SUMF1: variants seen among roughly 807,000 people sequenced by gnomAD.
The protein encoded by SUMF1 is formylglycine-generating enzyme.
A neutral mutation model predicts 47.6 loss-of-function variants in SUMF1; 48 were observed. The observed-to-expected ratio is 1.01, with a 90% confidence interval of 0.80 to 1.28. The LOEUF is 1.28. Ranked by LOEUF, SUMF1 falls within the 50% of genes most tolerant of loss-of-function variation. The probability of loss-of-function intolerance (pLI) is 0.00; values close to 1 mark genes in which losing one functional copy is unlikely to be tolerated. For synonymous variants in SUMF1, 230 were observed against 192.1 expected (o/e 1.20, Z -1.63); for missense variants, 571 against 485.4 (o/e 1.18, Z -1.66).
intron 8 of SUMF1, among the ~76,000 whole-genome samples, chr3:4,105,624 A>G (rs1217388419): frequency 6.6e-6 from 1 of 152,110 alleles, no homozygotes; most frequent in East Asian, 1.9e-4. Context: ...GAATATTATT[A>G]ATGGAAACTT....
At chr3:4,065,620 A>G (rs992361597) in intron 9 of SUMF1, among the ~76,000 whole-genome samples, 11 of 152,160 alleles carry the variant, frequency 7.2e-5, no homozygotes, top group African/African-American at 2.7e-4. Flanking sequence ...TCCTTAAGCA[A>G]TCATTTGAAC....
chr3:4,319,834 G>A (rs550242055), intron 8 of SUMF1, among the ~76,000 whole-genome samples: 90 of 152,320 alleles, frequency 5.9e-4, no homozygotes, highest in Admixed American at 3.3e-3. Flanking sequence ...AAAGAAATGA[G>A]CTATCGAGCC....
chr3:4,234,367 A>G (rs6762135), intron 8 of SUMF1, among the ~76,000 whole-genome samples: 54,904 of 151,936 alleles, frequency 0.36, 10,810 homozygotes, highest in Non-Finnish European at 0.45. Context: ...ACAAGCAGCA[A>G]TTGGAAACTT....
chr3:4,435,217 G>A (rs560032856), intron 3 of SUMF1, among the ~76,000 whole-genome samples: 5 of 152,244 alleles, frequency 3.3e-5, no homozygotes, highest in East Asian at 3.9e-4. Flanking sequence ...TTGAGCCACC[G>A]GGCCCAGACA....
chr3:4,266,404 A>C (rs1431212197), intron 8 of SUMF1, among the ~76,000 whole-genome samples: 6 of 151,976 alleles, frequency 3.9e-5, no homozygotes, highest in East Asian at 1.9e-4. Flanking sequence ...CTTTTATCTC[A>C]TTGAGCAGTG....
chr3:4,428,419 T>C (rs1215582739), intron 3 of SUMF1, among the ~76,000 whole-genome samples: 2 of 152,184 alleles, frequency 1.3e-5, no homozygotes, highest in Non-Finnish European at 2.9e-5. Flanking sequence ...AGTGGCACTA[T>C]CATAGCTCAC....
At chr3:4,346,002 A>G (rs1267991701) in intron 8 of SUMF1, among the ~76,000 whole-genome samples, 1 of 152,270 alleles carries the variant, frequency 6.6e-6, no homozygotes, top group Non-Finnish European at 1.5e-5. Context: ...TATGCACCCA[A>G]TACAGGAGCA....
At chr3:4,254,693 G>A (rs1696902053) in intron 8 of SUMF1, among the ~76,000 whole-genome samples, 1 of 149,860 alleles carries the variant, frequency 6.7e-6, no homozygotes, top group Non-Finnish European at 1.5e-5. Flanking sequence ...ACACTCTGCA[G>A]GAAATTATCC....
chr3:4,258,602 A>G (rs312093), intron 8 of SUMF1, among the ~76,000 whole-genome samples: 1 of 152,162 alleles, frequency 6.6e-6, no homozygotes, highest in African/African-American at 2.4e-5. Context: ...TCACTAAAAA[A>G]TCAGGAAACA....
chr3:4,272,337 G>A (rs955920174), intron 8 of SUMF1, among the ~76,000 whole-genome samples: 4 of 152,144 alleles, frequency 2.6e-5, no homozygotes, highest in Admixed American at 6.5e-5. Context: ...GGCTTTAATC[G>A]ACCCGACAGA....
At chr3:4,203,301 T>C (rs1157351411) in intron 8 of SUMF1, among the ~76,000 whole-genome samples, 1 of 152,084 alleles carries the variant, frequency 6.6e-6, no homozygotes, top group Non-Finnish European at 1.5e-5. Flanking sequence ...GCAATTATTA[T>C]ATCTTCTTGC....
Position 4,292,921 on chromosome 3 carries a change from AAAAC to A in SUMF1, c.1014+83405_1014+83408del, listed in dbSNP as rs552315880. 1.5e-4 allele frequency among the ~76,000 whole-genome samples: 23 copies of A among 152,308 alleles called. No individual in the cohort carries two copies. In the South Asian group the frequency reaches 4.6e-3, roughly 30 times the overall value. On this transcript the variant is annotated intron_variant and NMD_transcript_variant, in intron 8 of 12. Coordinates refer to the SUMF1 transcript ENST00000448413. ...ACCCTGTAATTTCCAGGCTCTGTAA[AAAAC>A]AAATTATATTCAATGTTCTTCTAAG...
At chr3:4,063,500 C>T (rs1695313582) in intron 9 of SUMF1, among the ~76,000 whole-genome samples, 1 of 152,096 alleles carries the variant, frequency 6.6e-6, no homozygotes, top group Non-Finnish European at 1.5e-5. Flanking sequence ...GTCAGGCATG[C>T]TCACAGCTCC....
intron 8 of SUMF1, among the ~76,000 whole-genome samples, chr3:4,141,634 C>T (rs1364616050): frequency 6.6e-6 from 1 of 152,074 alleles, no homozygotes; most frequent in Non-Finnish European, 1.5e-5. Flanking sequence ...CTGCACTCTA[C>T]CCTGGGCAAC....
At chr3:4,106,081 C>CTTT (rs1693151430) in intron 8 of SUMF1, among the ~76,000 whole-genome samples, 1 of 151,898 alleles carries the variant, frequency 6.6e-6, no homozygotes, top group African/African-American at 2.4e-5. Context: ...TACCAACAAA[C>CTTT]TTTTCACTAT....
intron 8 of SUMF1, among the ~76,000 whole-genome samples, chr3:4,140,851 A>C (rs187298079): frequency 2.0e-5 from 3 of 152,256 alleles, no homozygotes; most frequent in Admixed American, 1.3e-4. Flanking sequence ...TTCATTGAAG[A>C]AAATAAACCT....
chr3:4,127,269 T>C (rs1049844803), intron 8 of SUMF1, among the ~76,000 whole-genome samples: 2 of 152,166 alleles, frequency 1.3e-5, no homozygotes, highest in Non-Finnish European at 2.9e-5. Flanking sequence ...AAGCAAATTG[T>C]ATTCCCAACC....
intron 8 of SUMF1, among the ~76,000 whole-genome samples, chr3:4,131,167 C>A (rs1258937138): frequency 6.6e-6 from 1 of 152,164 alleles, no homozygotes; most frequent in East Asian, 1.9e-4. Flanking sequence ...TGGGTGTTTT[C>A]TGACCCATCT....
chr3:4,421,764 T>TGCTGG (rs1312136586), intron 3 of SUMF1, among the ~76,000 whole-genome samples: 80 of 152,276 alleles, frequency 5.3e-4, no homozygotes, highest in Middle Eastern at 3.4e-3. Context: ...GGATTACAGG[T>TGCTGG]GTAAGCTACT....
Sources: gnomAD v4.1 joint callset for allele counts (sites outside exome capture counted in the v4.1 genomes callset) on GRCh38, gnomAD v4.1.1 for gene constraint, MANE v1.5 for transcripts, NCBI Gene and HGNC (gene_info 2026-07-23, HGNC 2026-07-21) for gene names.